The following RASGEF1A variants were observed in gnomAD, a reference collection of about 807,000 sequenced individuals.
The protein encoded by RASGEF1A is ras-GEF domain-containing family member 1A.
Under a neutral mutation model 56.4 loss-of-function variants are expected in RASGEF1A, and 18 were observed. The observed-to-expected ratio is 0.32, with a 90% CI of 0.22 to 0.47. The LOEUF is 0.47. RASGEF1A is among the 20% of genes least tolerant of loss of function. RASGEF1A has a pLI of 1.00. For synonymous variants in RASGEF1A, 245 were observed against 242.6 expected (o/e 1.01, Z -0.09); for missense variants, 422 against 627.1 (o/e 0.67, Z 3.49).
At chr10:43,211,877 T>A (rs1255796450) in intron 1 of RASGEF1A, among the ~76,000 whole-genome samples, 1 of 152,200 alleles carries the variant, frequency 6.6e-6, no homozygotes, top group Non-Finnish European at 1.5e-5. Context: ...GGGTGTGGAA[T>A]GTCTTGTCCC....
intron 1 of RASGEF1A, among the ~76,000 whole-genome samples, chr10:43,230,581 C>G (rs889608573): frequency 7.2e-5 from 11 of 152,204 alleles, no homozygotes; most frequent in African/African-American, 2.6e-4. Flanking sequence ...TGGGGGAGTC[C>G]GAGTTGGCCG....
chr10:43,227,455 GC>G, intron 1 of RASGEF1A, among the ~76,000 whole-genome samples: 1 of 152,294 alleles, frequency 6.6e-6, no homozygotes, highest in Middle Eastern at 3.4e-3. Flanking sequence ...CCTTCCCCTG[GC>G]CTGTGCCCCG....
chr10:43,252,107 G>A (rs1300184662), intron 1 of RASGEF1A, among the ~76,000 whole-genome samples: 1 of 152,228 alleles, frequency 6.6e-6, no homozygotes, highest in East Asian at 1.9e-4. Context: ...ATGCTGGGAT[G>A]ACCAAGGACA....
intron 1 of RASGEF1A, among the ~76,000 whole-genome samples, chr10:43,263,049 C>G (rs1386947760): frequency 6.6e-6 from 1 of 152,122 alleles, no homozygotes; most frequent in Non-Finnish European, 1.5e-5. Flanking sequence ...TGCATCGTCA[C>G]CCGGGAGGCG....
chr10:43,201,916 G>T lies in RASGEF1A; in HGVS notation c.351C>A (p.Ile117=), dbSNP rs553793299. The T allele has an allele frequency of 6.2e-7, 1 of 1,610,012 alleles. No homozygotes were observed. Residue 117 remains isoleucine, a synonymous_variant, in exon 4 of 13, where the codon ATC becomes ATA. Transcript: ENST00000395810. The part of the protein sequence containing the change: ...KAKLKSFSAK[I]VQLLKEWTEA... ...CGGTCCACTCCTTCAGGAGCTGCAC[G>T]ATCTTGGCTGAGAAAGACTTCAGCT...
chr10:43,255,579 T>C (rs1209265187), intron 1 of RASGEF1A, among the ~76,000 whole-genome samples: 1 of 152,236 alleles, frequency 6.6e-6, no homozygotes, highest in African/African-American at 2.4e-5. Flanking sequence ...ATGTACCCTC[T>C]GCAGCCACCA....
chr10:43,237,114 G>C (rs1368768547), intron 1 of RASGEF1A, among the ~76,000 whole-genome samples: 3 of 152,028 alleles, frequency 2.0e-5, no homozygotes, highest in African/African-American at 7.3e-5. Context: ...AGGGAATCTT[G>C]TGACAAGCCT....
intron 1 of RASGEF1A, chr10:43,207,472 A>T: frequency 1.0e-6 from 1 of 985,368 alleles, no homozygotes; most frequent in Non-Finnish European, 1.2e-6. Context: ...CCACCAGGGA[A>T]AAAAGAGCAT....
At chr10:43,228,460 C>G (rs1840311867) in intron 1 of RASGEF1A, among the ~76,000 whole-genome samples, 1 of 152,196 alleles carries the variant, frequency 6.6e-6, no homozygotes, top group African/African-American at 2.4e-5. Context: ...ACAGCAGTGA[C>G]TGGAGTACTG....
chr10:43,234,865 G>A (rs143730773), intron 1 of RASGEF1A, among the ~76,000 whole-genome samples: 265 of 152,300 alleles, frequency 1.7e-3, no homozygotes, highest in African/African-American at 6.0e-3. Context: ...AGGGGTCCGA[G>A]GGCTCACGCT....
At chr10:43,215,566 C>G (rs984576895) in intron 1 of RASGEF1A, among the ~76,000 whole-genome samples, 1 of 152,182 alleles carries the variant, frequency 6.6e-6, no homozygotes, top group Non-Finnish European at 1.5e-5. Context: ...ATGGGCTCTT[C>G]GCCCTTCAAG....
chr10:43,261,615 A>T (rs1052835527), intron 1 of RASGEF1A, among the ~76,000 whole-genome samples: 1 of 152,128 alleles, frequency 6.6e-6, no homozygotes, highest in African/African-American at 2.4e-5. Context: ...AACCTCATCC[A>T]AGCCCCATCC....
intron 1 of RASGEF1A, among the ~76,000 whole-genome samples, chr10:43,210,809 C>T (rs1209548328): frequency 2.0e-5 from 3 of 152,020 alleles, no homozygotes; most frequent in Non-Finnish European, 4.4e-5. Flanking sequence ...GGAACCCTCA[C>T]CTCCACCCCA....
intron 1 of RASGEF1A, among the ~76,000 whole-genome samples, chr10:43,253,320 C>T (rs1840648061): frequency 6.6e-6 from 1 of 152,254 alleles, no homozygotes; most frequent in Non-Finnish European, 1.5e-5. Context: ...GGCTGCCTTG[C>T]TCACCTCATG....
chr10:43,262,173 G>A (rs960542997), intron 1 of RASGEF1A, among the ~76,000 whole-genome samples: 1 of 152,144 alleles, frequency 6.6e-6, no homozygotes, highest in Non-Finnish European at 1.5e-5. Flanking sequence ...CTTGGTGGGG[G>A]TGGGGAAACA....
chr10:43,204,657 T>A (rs144315546), intron 2 of RASGEF1A, among the ~76,000 whole-genome samples: 1 of 147,712 alleles, frequency 6.8e-6, no homozygotes, highest in Non-Finnish European at 1.5e-5. Flanking sequence ...CCGGTGCACA[T>A]GGGGAAGGGT....
At chr10:43,219,147 C>A (rs1402244409) in intron 1 of RASGEF1A, among the ~76,000 whole-genome samples, 3 of 152,238 alleles carry the variant, frequency 2.0e-5, no homozygotes, top group Admixed American at 2.0e-4. Flanking sequence ...CCTGGCCTCC[C>A]ACTCCAGCCG....
intron 1 of RASGEF1A, chr10:43,206,951 A>G: frequency 1.0e-6 from 1 of 985,490 alleles, no homozygotes; most frequent in Non-Finnish European, 1.2e-6. Flanking sequence ...ACTGTCCTCC[A>G]CAGCATGGCC....
rs762898653 is a variant in RASGEF1A at position 43,235,169 on chromosome 10, C to T, written c.-6-29047G>A. On this transcript the variant is annotated intron_variant, in intron 1 of 12. Transcript: ENST00000395810. ...ATCACTCATGGCTTTAGGCATAAAGCGTGAAGGAGGGGGTGAATGGGAGTC... is the reference window on the plus strand; with the variant it reads ...ATCACTCATGGCTTTAGGCATAAAGTGTGAAGGAGGGGGTGAATGGGAGTC... Among the ~76,000 whole-genome samples the T allele has an allele frequency of 2.6e-5, 4 of 152,158 alleles. No homozygotes were observed. The South Asian group carries it at 8.3e-4, about 32-fold the overall frequency.
Sources: gnomAD v4.1 joint callset for allele counts (sites outside exome capture counted in the v4.1 genomes callset) on GRCh38, gnomAD v4.1.1 for gene constraint, MANE v1.5 for transcripts, NCBI Gene and HGNC (gene_info 2026-07-23, HGNC 2026-07-21) for gene names.